Variants in GMDS observed in about 807,000 individuals in gnomAD.
GMDS encodes the protein GDP-mannose 4,6 dehydratase.
In GMDS, 20 loss-of-function variants were observed where a neutral mutation model predicts 49.9. That is an observed-to-expected ratio of 0.40 (90% CI 0.28 to 0.58). The LOEUF (loss-of-function observed/expected upper bound fraction) is 0.58, where lower values mean the gene tolerates loss of function less well. GMDS is among the 20% of genes least tolerant of loss of function. The pLI, the probability that GMDS is intolerant of heterozygous loss-of-function variation, is 0.42. For missense variants in GMDS, 362 were observed against 481.4 expected, an observed-to-expected ratio of 0.75 and a Z score of 2.32; for synonymous variants, 177 against 178.6, an observed-to-expected ratio of 0.99 and a Z score of 0.07.
At chr6:1,967,650 ATAGT>A (rs1764341701) in intron 4 of GMDS, among the ~76,000 whole-genome samples, 1 of 152,188 alleles carries the variant, frequency 6.6e-6, no homozygotes, top group African/African-American at 2.4e-5. Flanking sequence ...GCAGGAGGAG[ATAGT>A]TAGGAAAATG....
At chr6:2,101,321 C>T (rs79468177) in intron 4 of GMDS, among the ~76,000 whole-genome samples, 1,680 of 148,374 alleles carry the variant, frequency 0.011, 26 homozygotes, top group Non-Finnish European at 0.017. Flanking sequence ...AAACAAAAAA[C>T]AAAAAAAAGA....
intron 1 of GMDS, among the ~76,000 whole-genome samples, chr6:2,178,455 G>C (rs537414962): frequency 1.8e-3 from 271 of 152,194 alleles, no homozygotes; most frequent in Non-Finnish European, 3.0e-3. Context: ...CGTGGGCACT[G>C]TTTGAAGAGA....
Position 1,814,002 on chromosome 6 carries a change from A to G in GMDS, c.772-71416T>C, listed in dbSNP as rs138638054. On this transcript the variant is annotated intron_variant, in intron 7 of 10. Coordinates refer to ENST00000380815, the MANE Select transcript of GMDS (RefSeq NM_001500.4). Reference sequence around the variant, plus strand: ...ACTGACATTATGAGAGCTGTGCTGTACTTTCAAAATGAAGTTCAGTGTTCT... The same window carrying G: ...ACTGACATTATGAGAGCTGTGCTGTGCTTTCAAAATGAAGTTCAGTGTTCT... Among the ~76,000 whole-genome samples, 41 of 152,320 alleles carry G rather than the reference A, an allele frequency of 2.7e-4. 1 individual carries two copies. In the East Asian group the frequency reaches 4.8e-3, roughly 18 times the overall value.
intron 7 of GMDS, among the ~76,000 whole-genome samples, chr6:1,856,203 C>A (rs1757931150): frequency 6.6e-6 from 1 of 152,128 alleles, no homozygotes; most frequent in Admixed American, 6.6e-5. Flanking sequence ...GTGTATGTGT[C>A]TTTAAAATAC....
intron 9 of GMDS, among the ~76,000 whole-genome samples, chr6:1,636,133 G>T (rs887170792): frequency 6.6e-6 from 1 of 152,132 alleles, no homozygotes; most frequent in African/African-American, 2.4e-5. Flanking sequence ...GCATCTCTTC[G>T]GTGCTTCTCT....
intron 8 of GMDS, among the ~76,000 whole-genome samples, chr6:1,733,585 G>A (rs1455576548): frequency 6.6e-6 from 1 of 152,232 alleles, no homozygotes; most frequent in Non-Finnish European, 1.5e-5. Context: ...GGGAAGCCGA[G>A]GCAGGCGGAT....
At chr6:1,831,477 C>T (rs1365055141) in intron 7 of GMDS, among the ~76,000 whole-genome samples, 2 of 152,114 alleles carry the variant, frequency 1.3e-5, no homozygotes, top group African/African-American at 4.8e-5. Context: ...AAGTTTTTAG[C>T]AAAGGGACTA....
chr6:2,076,070 T>C (rs1199832549), intron 4 of GMDS, among the ~76,000 whole-genome samples: 2 of 152,252 alleles, frequency 1.3e-5, no homozygotes, highest in African/African-American at 2.4e-5. Context: ...GAGAAGTGTC[T>C]GTTCATATCC....
At chr6:1,742,171 C>T (rs567922990) in intron 8 of GMDS, among the ~76,000 whole-genome samples, 8 of 152,120 alleles carry the variant, frequency 5.3e-5, no homozygotes, top group South Asian at 4.2e-4. Context: ...CCTCCTGTCT[C>T]GGCTTCCCAA....
intron 9 of GMDS, among the ~76,000 whole-genome samples, chr6:1,638,451 C>T (rs937652744): frequency 6.6e-6 from 1 of 152,126 alleles, no homozygotes; most frequent in Non-Finnish European, 1.5e-5. Context: ...GAACTTTATA[C>T]TTATGAGCAG....
chr6:1,908,507 T>G (rs1387548829), intron 7 of GMDS, among the ~76,000 whole-genome samples: 1 of 152,252 alleles, frequency 6.6e-6, no homozygotes, highest in African/African-American at 2.4e-5. Flanking sequence ...AATCAAAATT[T>G]TCTTTAAATT....
chr6:1,655,512 C>CACACAA (rs1763849008), intron 9 of GMDS, among the ~76,000 whole-genome samples: 1 of 101,682 alleles, frequency 9.8e-6, no homozygotes, highest in African/African-American at 4.1e-5. Context: ...CACACACACA[C>CACACAA]ACACACATAT....
intron 7 of GMDS, among the ~76,000 whole-genome samples, chr6:1,775,559 T>C (rs1252696284): frequency 6.6e-6 from 1 of 152,238 alleles, no homozygotes; most frequent in African/African-American, 2.4e-5. Flanking sequence ...TGAACCTTCC[T>C]TGACCTCATG....
intron 9 of GMDS, among the ~76,000 whole-genome samples, chr6:1,655,666 G>A (rs753498776): frequency 9.2e-5 from 14 of 152,092 alleles, no homozygotes; most frequent in Non-Finnish European, 1.3e-4. Flanking sequence ...ACCACGCCTT[G>A]CTAATCTTTT....
chr6:2,152,234 T>A (rs1776879415), intron 1 of GMDS, among the ~76,000 whole-genome samples: 1 of 152,150 alleles, frequency 6.6e-6, no homozygotes, highest in Non-Finnish European at 1.5e-5. Context: ...GAAAGGCTCT[T>A]TAAAATCAAA....
intron 7 of GMDS, among the ~76,000 whole-genome samples, chr6:1,880,692 A>G (rs544176084): frequency 6.6e-6 from 1 of 152,314 alleles, no homozygotes; most frequent in South Asian, 2.1e-4. Flanking sequence ...AAAGCAGACG[A>G]GCAATATAGT....
Position 1,794,193 on chromosome 6 carries a change from T to A in GMDS, c.772-51607A>T, listed in dbSNP as rs530830088. ...TCAACACCTAGAGGGTTCTTTCTCC[T>A]TTTATGATAAACCCATGAAGATTTC... On this transcript the variant is annotated intron_variant, in intron 7 of 10. Transcript: ENST00000380815. Among the ~76,000 whole-genome samples, 37 of 152,352 alleles carry A rather than the reference T, an allele frequency of 2.4e-4. 1 individual carries two copies. The South Asian group carries it at 7.7e-3, about 32-fold the overall frequency.
chr6:2,219,858 C>A (rs1045939651), intron 1 of GMDS, among the ~76,000 whole-genome samples: 1 of 152,174 alleles, frequency 6.6e-6, no homozygotes, highest in Non-Finnish European at 1.5e-5. Flanking sequence ...ATCTGAAAAT[C>A]CAAAATGTCC....
intron 4 of GMDS, among the ~76,000 whole-genome samples, chr6:2,099,927 G>A (rs1422465224): frequency 1.3e-5 from 2 of 151,910 alleles, no homozygotes; most frequent in Non-Finnish European, 2.9e-5. Flanking sequence ...AATTTATATT[G>A]ATAAGCACAA....
Sources: allele counts gnomAD v4.1 joint callset (sites outside exome capture counted in the v4.1 genomes callset), GRCh38; gene constraint gnomAD v4.1.1; transcripts MANE v1.5; gene names NCBI Gene and HGNC (gene_info 2026-07-23, HGNC 2026-07-21).